STYXL2: variants seen among roughly 807,000 people sequenced by gnomAD.
The protein encoded by STYXL2 is serine/threonine/tyrosine-interacting-like protein 2.
Under a neutral mutation model 52.4 loss-of-function variants are expected in STYXL2, and 44 were observed. That is an observed-to-expected ratio of 0.84 (90% CI 0.66 to 1.08). The LOEUF (loss-of-function observed/expected upper bound fraction) is 1.08. Among genes scored for constraint, STYXL2 ranks in the 50% least tolerant of loss-of-function variants. The pLI, the probability that STYXL2 is intolerant of heterozygous loss-of-function variation, is 0.00. For synonymous variants in STYXL2, 604 were observed against 586.9 expected (o/e 1.03, Z -0.42); for missense variants, 1,604 against 1,471.7 (o/e 1.09, Z -1.47).
chr1:167,116,920 G>A (rs907258643), intron 3 of STYXL2, among the ~76,000 whole-genome samples: 2 of 152,092 alleles, frequency 1.3e-5, no homozygotes, highest in East Asian at 1.9e-4. Context: ...AAAGTGCTGG[G>A]GTTACAGACG....
intron 2 of STYXL2, among the ~76,000 whole-genome samples, chr1:167,100,895 C>T (rs1667389808): frequency 6.6e-6 from 1 of 152,216 alleles, no homozygotes; most frequent in South Asian, 2.1e-4. Flanking sequence ...ACAATGGCCT[C>T]ATAAAATCTG....
Position 167,127,595 on chromosome 1 carries a change from C to A in STYXL2, c.2464C>A (p.Pro822Thr). 6.2e-7 allele frequency: 1 copy of A among 1,614,174 alleles called. No homozygotes were observed. Among genetic ancestry groups the A allele is most frequent in the African/African-American group, 1.3e-5 (1 of 75,050 alleles). Residue 822 changes from proline (P) to threonine (T), a missense_variant, in exon 6 of 6, where the codon CCC becomes ACC. Pro to Thr is a conservative substitution (Grantham distance 38). Coordinates refer to ENST00000361200, the MANE Select transcript of STYXL2 (RefSeq NM_001080426.3). ...AAGCAAAGTGAGGGGGACCAGCAAG[C>A]CCATCTTCAGCCTCTTTGCTGACAA... Reference protein sequence around the residue: ...CRSKVRGTSKPIFSLFADNVD... With the variant: ...CRSKVRGTSKTIFSLFADNVD...
At position 167,126,059 on chromosome 1, in the gene STYXL2, C is replaced by T; in HGVS notation, c.928C>T (p.His310Tyr). ...GTGSMLGARV[H>Y]ALTVEEEDDS... ...TGGGAGCATGCTCGGGGCCAGAGTG[C>T]ACGCCCTGACGGTGGAAGAGGAGGA... Residue 310 changes from histidine to tyrosine, a missense_variant, in exon 6 of 6, where the codon CAC becomes TAC. Transcript: ENST00000361200. 1 of 1,558,532 alleles carries T rather than the reference C, an allele frequency of 6.4e-7. No individual in the cohort carries two copies. Among genetic ancestry groups the T allele is most frequent in the Non-Finnish European group, 8.7e-7 (1 of 1,153,556 alleles).
intron 2 of STYXL2, among the ~76,000 whole-genome samples, chr1:167,111,448 G>C (rs1481842982): frequency 7.5e-6 from 1 of 134,130 alleles, no homozygotes; most frequent in Non-Finnish European, 1.6e-5. Flanking sequence ...CAGTCAACAA[G>C]TGGATAAGGA....
chr1:167,126,649 C>T lies in STYXL2; in HGVS notation c.1518C>T (p.Asp506=). 2 of 1,614,108 alleles carry T rather than the reference C, an allele frequency of 1.2e-6. No individual in the cohort carries two copies. The highest frequency in any genetic ancestry group is 1.7e-6 in the Non-Finnish European group (2 of 1,180,016). The change falls in exon 6 of 6, where the codon GAC becomes GAT. Residue 506 remains aspartate (D), a synonymous_variant. Coordinates refer to ENST00000361200, the MANE Select transcript of STYXL2 (RefSeq NM_001080426.3). ...AGAGCAAGAGAGAGGAGGCGGCAGA[C>T]AGGAGCTCAGAAGCAGGGAGCAGGG... The part of the protein sequence containing the change: ...HAKSKREEAA[D]RSSEAGSRVR...
In STYXL2 at chr1:167,127,377, C is replaced by A. The variant is rs374240399; in HGVS notation, c.2246C>A (p.Pro749Gln). ...QNEMLLLSRS[P>Q]SVASMKAVPA... ...GAAATGCTGCTGTTGTCCCGCTCAC[C>A]GTCTGTTGCAAGCATGAAGGCAGTA... The change falls in exon 6 of 6, where the codon CCG becomes CAG. Residue 749 changes from proline (P) to glutamine (Q), a missense_variant. Pro to Gln is a moderately conservative substitution (Grantham distance 76, BLOSUM62 -1). Coordinates refer to ENST00000361200, the MANE Select transcript of STYXL2 (RefSeq NM_001080426.3). 7 of 1,614,170 alleles carry A rather than the reference C, an allele frequency of 4.3e-6. No individual in the cohort carries two copies. In the African/African-American group the frequency reaches 9.3e-5, roughly 22 times the overall value.
chr1:167,121,339 C>T (rs1667852638), intron 5 of STYXL2, among the ~76,000 whole-genome samples: 2 of 152,200 alleles, frequency 1.3e-5, no homozygotes, highest in South Asian at 4.2e-4. Context: ...AAATGTAGGA[C>T]GTTTGACCAA....
intron 3 of STYXL2, among the ~76,000 whole-genome samples, chr1:167,116,927 G>T (rs146345390): frequency 8.5e-5 from 13 of 152,166 alleles, no homozygotes; most frequent in Admixed American, 5.9e-4. Flanking sequence ...TGGGGTTACA[G>T]ACGTGAGCCA....
chr1:167,099,863 A>G (rs574410414), intron 2 of STYXL2, among the ~76,000 whole-genome samples: 1 of 152,392 alleles, frequency 6.6e-6, no homozygotes, highest in South Asian at 2.1e-4. Context: ...TAGGATGTAT[A>G]AACAACATGA....
In STYXL2 at chr1:167,127,105, C is replaced by A. The variant is rs773965871; in HGVS notation, c.1974C>A (p.Pro658=). ...ADSSTASGSI[P]LSAFWSADPS... is the part of the protein sequence containing the mutation. ...GCTCCACGGCCAGCGGGAGCATTCC[C>A]CTGTCTGCGTTCTGGTCTGCAGACC... The change falls in exon 6 of 6, where the codon CCC becomes CCA. Residue 658 remains proline, a synonymous_variant. Coordinates refer to ENST00000361200, the MANE Select transcript of STYXL2 (RefSeq NM_001080426.3). 3.1e-5 allele frequency: 50 copies of A among 1,613,790 alleles called. No homozygotes were observed. Among genetic ancestry groups the A allele is most frequent in the Non-Finnish European group, 4.1e-5 (48 of 1,179,904 alleles).
At position 167,128,236 on chromosome 1, in the gene STYXL2, G is replaced by C; in HGVS notation, c.3105G>C (p.Glu1035Asp). 6.2e-7 allele frequency: 1 copy of C among 1,614,180 alleles called. No individual in the cohort carries two copies. Residue 1035 changes from glutamate to aspartate, a missense_variant, in exon 6 of 6, where the codon GAG (glutamate) becomes GAC (aspartate). Transcript: ENST00000361200. ...TYNETSSSRE[E>D]SPEPYFFRRT... ...ACGAGACCTCAAGTTCCCGAGAGGA[G>C]AGCCCAGAGCCCTACTTCTTCCGCC...
Position 167,094,730 on chromosome 1 carries a change from C to T in STYXL2, c.-16-104C>T, listed in dbSNP as rs1322701024. The T allele has an allele frequency of 5.2e-6, 4 of 768,142 alleles. No individual in the cohort carries two copies. The East Asian group carries it at 1.1e-4, about 21-fold the overall frequency. The allele number at this position is 768,142 out of a possible 1,614,324, so 47.6% of individuals were successfully genotyped here. A position where few individuals can be genotyped will look rare whatever the true frequency, so the allele number is the denominator to read the frequency against. On this transcript the variant is annotated intron_variant, in intron 1 of 5. Coordinates refer to ENST00000361200, the MANE Select transcript of STYXL2 (RefSeq NM_001080426.3). ...CTGGTCTTTTGCCCACCGGGACCTT[C>T]CTAGTCCTAGTTCCACTGAGGTGAC...
At chr1:167,115,254 A>C (rs184613192) in intron 3 of STYXL2, among the ~76,000 whole-genome samples, 1 of 152,316 alleles carries the variant, frequency 6.6e-6, no homozygotes, top group East Asian at 1.9e-4. Context: ...GAGAAAAAAC[A>C]ATATATGCTC....
In STYXL2 at chr1:167,128,315, T is replaced by A. The variant is rs1184312762; in HGVS notation, c.3184T>A (p.Trp1062Arg). Residue 1062 changes from tryptophan to arginine, a missense_variant, in exon 6 of 6, where the codon TGG (tryptophan) becomes AGG (arginine). Physicochemically the swap from Trp to Arg is moderately radical, Grantham distance 101 (BLOSUM62 -3). Coordinates refer to ENST00000361200, the MANE Select transcript of STYXL2 (RefSeq NM_001080426.3). Reference protein sequence around the residue: ...EESPEPQRPNWARSRDWEDVE... With the variant: ...EESPEPQRPNRARSRDWEDVE... ...GTCCCCAGAACCACAGCGCCCAAAT[T>A]GGGCCAGGTCCAGGGACTGGGAAGA... The A allele has an allele frequency of 5.0e-6, 8 of 1,613,670 alleles. No homozygotes were observed. Among genetic ancestry groups the A allele is most frequent in the Non-Finnish European group, 5.1e-6 (6 of 1,179,900 alleles).
rs956126023 is a variant in STYXL2, at chr1:167,126,985, C to T, written c.1854C>T (p.Ala618=). The T allele has an allele frequency of 6.2e-7, 1 of 1,608,942 alleles. No homozygotes were observed. The highest frequency in any genetic ancestry group is 8.5e-7 in the Non-Finnish European group (1 of 1,177,378). ...VVELSKGEDS[A]LAKKRQRRLE... is the part of the protein sequence containing the mutation. ...AGCTCAGCAAGGGGGAGGACTCGGC[C>T]TTGGCTAAGAAGAGACAACGGAGGC... The change falls in exon 6 of 6, where the codon GCC becomes GCT. Residue 618 remains alanine, a synonymous_variant. Transcript: ENST00000361200.
At chr1:167,123,613 T>A (rs1667902857) in intron 5 of STYXL2, among the ~76,000 whole-genome samples, 1 of 152,146 alleles carries the variant, frequency 6.6e-6, no homozygotes, top group African/African-American at 2.4e-5. Context: ...CTTATAAGGC[T>A]TTTACTTGTT....
chr1:167,126,564 A>C lies in STYXL2; in HGVS notation c.1433A>C (p.Asp478Ala). The C allele has an allele frequency of 6.2e-7, 1 of 1,613,962 alleles. No individual in the cohort carries two copies. Among genetic ancestry groups the C allele is most frequent in the Non-Finnish European group, 8.5e-7 (1 of 1,179,964 alleles). Residue 478 changes from aspartate to alanine, a missense_variant, in exon 6 of 6, where the codon GAC (aspartate) becomes GCC (alanine). Physicochemically the swap from Asp to Ala is moderately radical, Grantham distance 126 (BLOSUM62 -2). Coordinates refer to ENST00000361200, the MANE Select transcript of STYXL2 (RefSeq NM_001080426.3). Reference protein sequence around the residue: ...ADSMSSESTWDAWNERLLEIE... With the variant: ...ADSMSSESTWAAWNERLLEIE... ...TCGATGTCCTCGGAGAGCACCTGGG[A>C]CGCATGGAACGAGAGGCTGCTGGAG...
Position 167,126,577 on chromosome 1 carries a change from G to A in STYXL2, c.1446G>A (p.Glu482=). 1 of 1,614,082 alleles carries A rather than the reference G, an allele frequency of 6.2e-7. No homozygotes were observed. Among genetic ancestry groups the A allele is most frequent in the Non-Finnish European group, 8.5e-7 (1 of 1,180,002 alleles). Residue 482 remains glutamate (E), a synonymous_variant, in exon 6 of 6, where the codon GAG becomes GAA. Coordinates refer to ENST00000361200, the MANE Select transcript of STYXL2 (RefSeq NM_001080426.3). ...AGAGCACCTGGGACGCATGGAACGAGAGGCTGCTGGAGATTGAGAAGGAGG... is the reference window on the plus strand; with the variant it reads ...AGAGCACCTGGGACGCATGGAACGAAAGGCTGCTGGAGATTGAGAAGGAGG... ...SSESTWDAWN[E]RLLEIEKEAS...
At chr1:167,112,092 A>T (rs1332495866) in intron 2 of STYXL2, among the ~76,000 whole-genome samples, 1 of 152,030 alleles carries the variant, frequency 6.6e-6, no homozygotes, top group East Asian at 1.9e-4. Context: ...AACAAAGCTC[A>T]CCCTTAATCC....
Sources: gnomAD v4.1 joint callset for allele counts (sites outside exome capture counted in the v4.1 genomes callset) on GRCh38, gnomAD v4.1.1 for gene constraint, MANE v1.5 for transcripts, NCBI Gene and HGNC (gene_info 2026-07-23, HGNC 2026-07-21) for gene names.